The following DGKB variants were observed in gnomAD, a reference collection of about 807,000 sequenced individuals.
DGKB encodes diacylglycerol kinase beta.
A neutral mutation model predicts 114.3 loss-of-function variants in DGKB; 67 were observed. That is an observed-to-expected ratio of 0.59 (90% CI 0.48 to 0.72). DGKB has a LOEUF of 0.72. Among genes scored for constraint, DGKB ranks in the 30% least tolerant of loss-of-function variants. The pLI, the probability that DGKB is intolerant of heterozygous loss-of-function variation, is 0.00. For missense variants in DGKB, 907 were observed against 975.2 expected (o/e 0.93, Z 0.93); for synonymous variants, 398 against 323.1 (o/e 1.23, Z -2.49).
chr7:14,311,187 C>T (rs1017326515), intron 23 of DGKB, among the ~76,000 whole-genome samples: 13 of 152,068 alleles, frequency 8.5e-5, no homozygotes, highest in Non-Finnish European at 1.9e-4. Flanking sequence ...CAAACTGATT[C>T]CATACTCCTA....
intron 13 of DGKB, among the ~76,000 whole-genome samples, chr7:14,645,578 A>G (rs1428917940): frequency 6.6e-6 from 1 of 152,100 alleles, no homozygotes. Flanking sequence ...TCAACAGTCA[A>G]TGATAACAAG....
At chr7:14,395,121 G>T (rs1016874640) in intron 21 of DGKB, among the ~76,000 whole-genome samples, 1 of 152,084 alleles carries the variant, frequency 6.6e-6, no homozygotes, top group African/African-American at 2.4e-5. Context: ...TGATCCTACA[G>T]CAAGGCTTTA....
chr7:14,149,548 C>G (rs1430869281), intron 25 of DGKB, among the ~76,000 whole-genome samples: 1 of 152,058 alleles, frequency 6.6e-6, no homozygotes, highest in Non-Finnish European at 1.5e-5. Flanking sequence ...GCTTAGGTTA[C>G]ATGATTATCC....
intron 20 of DGKB, among the ~76,000 whole-genome samples, chr7:14,543,306 T>A (rs962497116): frequency 6.6e-6 from 1 of 151,888 alleles, no homozygotes; most frequent in Non-Finnish European, 1.5e-5. Context: ...TAGCCAGGCA[T>A]GGTGGCATGC....
chr7:14,204,080 C>G (rs992290987), intron 23 of DGKB, among the ~76,000 whole-genome samples: 9 of 151,980 alleles, frequency 5.9e-5, no homozygotes, highest in African/African-American at 2.2e-4. Context: ...CACTCACTGA[C>G]AAGCACATTC....
chr7:14,371,115 T>G (rs1455049972), intron 21 of DGKB, among the ~76,000 whole-genome samples: 2 of 152,196 alleles, frequency 1.3e-5, no homozygotes, highest in South Asian at 4.1e-4. Context: ...GTGTGAATAG[T>G]GCTACAACGA....
intron 23 of DGKB, among the ~76,000 whole-genome samples, chr7:14,330,345 G>T (rs748480729): frequency 4.0e-5 from 6 of 151,872 alleles, no homozygotes; most frequent in African/African-American, 1.4e-4. Flanking sequence ...ATAGAGAGTT[G>T]CTCATTATTC....
chr7:14,472,209 C>A (rs1781521551), intron 21 of DGKB, among the ~76,000 whole-genome samples: 1 of 152,178 alleles, frequency 6.6e-6, no homozygotes, highest in East Asian at 1.9e-4. Context: ...CAAATCTCAT[C>A]TTGAATTTCC....
At position 14,718,614 on chromosome 7, in the gene DGKB, C is replaced by T. The variant is rs770905792; in HGVS notation, c.394G>A (p.Val132Ile). The T allele has an allele frequency of 3.1e-6, 5 of 1,612,698 alleles. No individual in the cohort carries two copies. The highest frequency in any genetic ancestry group is 4.2e-6 in the Non-Finnish European group (5 of 1,179,094). The change falls in exon 6 of 26, where the codon GTA (valine) becomes ATA (isoleucine). Residue 132 changes from valine (V) to isoleucine (I), a missense_variant. Around this residue, in one of 3 missense-constraint regions of DGKB, gnomAD observed 814 missense variants for 856.6 expected, o/e 0.95. Transcript: ENST00000402815. ...CAGACAATGTCCTTCAGATGGATTA[C>T]TTCTGGGGAACACGTATTTGCAGGA... Reference protein sequence around the residue: ...TSPANTCSPEVIHLKDIVCYL... With the variant: ...TSPANTCSPEIIHLKDIVCYL...
chr7:14,203,833 C>G (rs1284678669), intron 23 of DGKB, among the ~76,000 whole-genome samples: 1 of 151,956 alleles, frequency 6.6e-6, no homozygotes, highest in African/African-American at 2.4e-5. Context: ...GGAAGGATGT[C>G]CAGTTTTCAC....
intron 13 of DGKB, among the ~76,000 whole-genome samples, chr7:14,671,240 A>G (rs2128945243): frequency 6.6e-6 from 1 of 152,268 alleles, no homozygotes; most frequent in East Asian, 1.9e-4. Context: ...TGAACCCAGG[A>G]AAGATACTGA....
At chr7:14,229,569 T>C (rs1791392789) in intron 23 of DGKB, among the ~76,000 whole-genome samples, 1 of 152,014 alleles carries the variant, frequency 6.6e-6, no homozygotes. Context: ...AACACGTGTA[T>C]CTATATTTAT....
intron 21 of DGKB, among the ~76,000 whole-genome samples, chr7:14,392,995 G>GTTTTGTTTTTTTTTTTTTTTT (rs1554404749): frequency 5.3e-4 from 32 of 60,544 alleles, no homozygotes; most frequent in African/African-American, 1.5e-3. Context: ...TTTTGTTTTT[G>GTTTTGTTTTTTTTTTTTTTTT]TTTTTTTTTT....
intron 1 of DGKB, among the ~76,000 whole-genome samples, chr7:14,939,798 A>G (rs1220453286): frequency 6.6e-6 from 1 of 151,846 alleles, no homozygotes; most frequent in Non-Finnish European, 1.5e-5. Flanking sequence ...TATTTTTAGT[A>G]GAGACAGGAT....
In DGKB at chr7:14,574,157, C is replaced by T. The variant is rs948965043; in HGVS notation, c.1770+55G>A. Reference sequence around the variant, plus strand: ...TAAATTTTCATAGTTTAAAAGTTTTCTCACTGTGATTATACAGTACAGGTA... The same window carrying T: ...TAAATTTTCATAGTTTAAAAGTTTTTTCACTGTGATTATACAGTACAGGTA... On this transcript the variant is annotated intron_variant, in intron 20 of 25. Coordinates refer to ENST00000402815, the MANE Select transcript of DGKB (RefSeq NM_001350709.2). 4 of 1,349,820 alleles carry T rather than the reference C, an allele frequency of 3.0e-6. No homozygotes were observed. The African/African-American group carries it at 5.9e-5, about 20-fold the overall frequency. 83.6% of individuals were successfully genotyped at this position (1,349,820 alleles called of 1,614,324 possible). A position where few individuals can be genotyped will look rare whatever the true frequency, so the allele number is the denominator to read the frequency against.
chr7:14,249,646 C>T (rs2128387113), intron 23 of DGKB, among the ~76,000 whole-genome samples: 1 of 152,190 alleles, frequency 6.6e-6, no homozygotes, highest in South Asian at 2.1e-4. Context: ...ATTATAGCCT[C>T]TTATGATCCT....
chr7:14,782,670 GA>G (rs1839297529), intron 2 of DGKB, among the ~76,000 whole-genome samples: 1 of 152,188 alleles, frequency 6.6e-6, no homozygotes, highest in Admixed American at 6.5e-5. Flanking sequence ...AATTAAACAG[GA>G]GGGTTGGAGA....
chr7:14,159,117 A>G (rs1250837425), intron 25 of DGKB, among the ~76,000 whole-genome samples: 1 of 152,034 alleles, frequency 6.6e-6, no homozygotes, highest in African/African-American at 2.4e-5. Flanking sequence ...CCCTTAAATT[A>G]AAGCTAAACA....
intron 23 of DGKB, among the ~76,000 whole-genome samples, chr7:14,284,033 G>A (rs1297876826): frequency 1.3e-5 from 2 of 152,114 alleles, no homozygotes; most frequent in Admixed American, 6.6e-5. Flanking sequence ...TTAAATTAAA[G>A]AGCTTCTGCA....
Sources: allele counts gnomAD v4.1 joint callset (sites outside exome capture counted in the v4.1 genomes callset), GRCh38; gene constraint gnomAD v4.1.1; regional missense constraint gnomAD v4.1.1; transcripts MANE v1.5; gene names NCBI Gene and HGNC (gene_info 2026-07-23, HGNC 2026-07-21).